Variants in WASHC5 observed in about 807,000 individuals in gnomAD.
WASHC5 encodes the protein WASH complex subunit 5.
WASHC5 carries 101 observed loss-of-function variants against 150.4 expected under a neutral mutation model. The observed-to-expected ratio is 0.67, with a 90% CI of 0.57 to 0.79. The LOEUF is 0.79. WASHC5 is among the 30% of genes least tolerant of loss of function. WASHC5 has a pLI of 0.00. For missense variants in WASHC5, 1,195 were observed against 1,396.3 expected, an observed-to-expected ratio of 0.86 and a Z score of 2.30; for synonymous variants, 467 against 491.2, an observed-to-expected ratio of 0.95 and a Z score of 0.65.
intron 27 of WASHC5, among the ~76,000 whole-genome samples, chr8:125,029,051 G>A (rs549554039): frequency 9.4e-5 from 13 of 138,982 alleles, no homozygotes; most frequent in African/African-American, 2.9e-4. Flanking sequence ...TTTTTTTTGC[G>A]ACAGACTTTT....
chr8:125,067,181 A>C (rs1394950110), intron 10 of WASHC5, among the ~76,000 whole-genome samples: 1 of 151,926 alleles, frequency 6.6e-6, no homozygotes, highest in African/African-American at 2.4e-5. Context: ...TGCCCAGCTA[A>C]TTTTTGTATT....
intron 28 of WASHC5, among the ~76,000 whole-genome samples, chr8:125,027,658 T>C (rs560009607): frequency 1.3e-5 from 2 of 152,312 alleles, no homozygotes; most frequent in Middle Eastern, 3.4e-3. Flanking sequence ...ACTACAAATA[T>C]GGTGCAGTGT....
chr8:125,076,452 G>A lies in WASHC5; in HGVS notation c.760C>T (p.Gln254Ter), dbSNP rs1203938108. 6.2e-7 allele frequency: 1 copy of A among 1,614,010 alleles called. No individual in the cohort carries two copies. The highest frequency in any genetic ancestry group is 8.5e-7 in the Non-Finnish European group (1 of 1,179,956). ...PEHRSTALAN[Q>*]AAMLYVILYF... Reference sequence around the variant, plus strand: ...AGAATCACGTACAGCATGGCAGCTTGGTTTGCCAGGGCTGTGCTGCGATGC... The same window carrying A: ...AGAATCACGTACAGCATGGCAGCTTAGTTTGCCAGGGCTGTGCTGCGATGC... The change falls in exon 7 of 29, where the codon CAA becomes TAA. Residue 254 changes from glutamine (Q) to a stop codon, truncating the protein, a stop_gained. Transcript: ENST00000318410. LOFTEE classifies it high-confidence loss of function.
rs184913745 is a variant in WASHC5 at position 125,043,332 on chromosome 8, C to A, written c.2850+493G>T. Among the ~76,000 whole-genome samples the A allele has an allele frequency of 2.7e-5, 4 of 150,288 alleles. No individual in the cohort carries two copies. The East Asian group carries it at 7.7e-4, about 29-fold the overall frequency. ...CTTCCATCCAGCAAATTAATCTCTT[C>A]GTCTTTCTTATTCATTTCCAAAGTA... On this transcript the variant is annotated intron_variant, in intron 23 of 28. Transcript: ENST00000318410.
At chr8:125,088,167 G>A (rs910808270) in intron 1 of WASHC5, among the ~76,000 whole-genome samples, 4 of 152,110 alleles carry the variant, frequency 2.6e-5, no homozygotes, top group African/African-American at 7.2e-5. Flanking sequence ...AATAGGGCCA[G>A]GTGTGGTGAC....
intron 1 of WASHC5, among the ~76,000 whole-genome samples, 177 bp downstream of exon 1, chr8:125,091,438 G>A (rs576500069): frequency 6.6e-6 from 1 of 152,272 alleles, no homozygotes; most frequent in East Asian, 1.9e-4. Flanking sequence ...TTCCCCCTAA[G>A]CGGAGACGAA....
chr8:125,047,666 G>C (rs1816111326), intron 19 of WASHC5, among the ~76,000 whole-genome samples: 1 of 152,170 alleles, frequency 6.6e-6, no homozygotes. Flanking sequence ...TCGAACTCCT[G>C]ATCTCAAGTG....
At chr8:125,059,199 G>A in intron 14 of WASHC5, 23 bp downstream of exon 14, 9 of 1,564,694 alleles carry the variant, frequency 5.8e-6, no homozygotes, top group Non-Finnish European at 7.9e-6. Flanking sequence ...TAGCAACAGA[G>A]AATCTCACTG....
At chr8:125,061,222 G>C (rs936625676) in intron 11 of WASHC5, 28 bp from the exon 12 acceptor site, 2 of 1,166,526 alleles carry the variant, frequency 1.7e-6, no homozygotes, top group Admixed American at 3.4e-5. Context: ...AGAAAATACT[G>C]AAATCCTCGA....
intron 1 of WASHC5, among the ~76,000 whole-genome samples, chr8:125,087,318 G>T (rs550726785): frequency 1.3e-5 from 2 of 152,094 alleles, no homozygotes; most frequent in African/African-American, 2.4e-5. Context: ...GCTGATTATT[G>T]CAATTTCCTT....
chr8:125,066,181 A>C (rs961160547), intron 10 of WASHC5, among the ~76,000 whole-genome samples: 1 of 152,222 alleles, frequency 6.6e-6, no homozygotes, highest in African/African-American at 2.4e-5. Context: ...TTAATAGATC[A>C]AAAAGGAGCA....
At chr8:125,046,892 C>T (rs1816083570) in intron 20 of WASHC5, among the ~76,000 whole-genome samples, 1 of 152,064 alleles carries the variant, frequency 6.6e-6, no homozygotes, top group South Asian at 2.1e-4. Context: ...GAATCTAGTA[C>T]TTTGGGAGAA....
At chr8:125,080,886 C>G (rs1052638911) in intron 5 of WASHC5, among the ~76,000 whole-genome samples, 1 of 152,178 alleles carries the variant, frequency 6.6e-6, no homozygotes, top group East Asian at 1.9e-4. Flanking sequence ...CAACCTGACT[C>G]TGAATGACAA....
intron 10 of WASHC5, among the ~76,000 whole-genome samples, chr8:125,066,357 G>C (rs1816744050): frequency 6.6e-6 from 1 of 152,164 alleles, no homozygotes; most frequent in African/African-American, 2.4e-5. Flanking sequence ...TAATATACTA[G>C]TAACCATACT....
In WASHC5 at chr8:125,084,034, A is replaced by G; in HGVS notation, c.-124-12T>C. ...CTCCATTAAAGAACCTGTATCCCCA[A>G]AAAAAGTGTGAAAATCTCAATTTGT... On this transcript the variant is annotated splice_polypyrimidine_tract_variant and intron_variant, in intron 1 of 28. Coordinates refer to ENST00000318410, the MANE Select transcript of WASHC5 (RefSeq NM_014846.4). 2 of 802,926 alleles carry G rather than the reference A, an allele frequency of 2.5e-6. No individual in the cohort carries two copies. The highest frequency in any genetic ancestry group is 1.7e-5 in the African/African-American group (1 of 58,002). The allele number at this position is 802,926 out of a possible 1,614,324, so 49.7% of individuals were successfully genotyped here.
chr8:125,080,396 C>A (rs1377509517), intron 5 of WASHC5, among the ~76,000 whole-genome samples: 1 of 152,140 alleles, frequency 6.6e-6, no homozygotes, highest in Non-Finnish European at 1.5e-5. Context: ...GTCAAACTGA[C>A]ATGAATGAAC....
At chr8:125,033,288 ATAGAGTC>A (rs1815594102) in intron 26 of WASHC5, among the ~76,000 whole-genome samples, 1 of 152,352 alleles carries the variant, frequency 6.6e-6, no homozygotes, top group Admixed American at 6.5e-5. Flanking sequence ...ATGGAACAGA[ATAGAGTC>A]TAGAGATAGT....
chr8:125,028,803 T>C lies in WASHC5; in HGVS notation c.3336-96A>G, dbSNP rs539939292. ...AAGACTAAATTACCAACAGATTACC[T>C]AATGAAGTCAAAGATGAACAAAAAC... is the stretch of plus-strand genomic sequence containing the variant. On this transcript the variant is annotated intron_variant, in intron 27 of 28. Coordinates refer to ENST00000318410, the MANE Select transcript of WASHC5 (RefSeq NM_014846.4). The C allele has an allele frequency of 1.8e-4, 146 of 817,708 alleles. No individual in the cohort carries two copies. The African/African-American group carries it at 2.3e-3, about 13-fold the overall frequency. The allele number at this position is 817,708 out of a possible 1,614,324, so 50.7% of individuals were successfully genotyped here.
intron 28 of WASHC5, among the ~76,000 whole-genome samples, chr8:125,025,870 G>T (rs1815368427): frequency 7.9e-6 from 1 of 126,040 alleles, no homozygotes; most frequent in Admixed American, 7.2e-5. Context: ...TCAAAATTAG[G>T]ATCACATAAT....
Sources: allele counts gnomAD v4.1 joint callset (sites outside exome capture counted in the v4.1 genomes callset), GRCh38; gene constraint gnomAD v4.1.1; transcripts MANE v1.5; gene names NCBI Gene and HGNC (gene_info 2026-07-23, HGNC 2026-07-21).